Variants in CTNNA3 observed in about 807,000 individuals in gnomAD.
CTNNA3 encodes catenin alpha-3.
A neutral mutation model predicts 95.7 loss-of-function variants in CTNNA3; 76 were observed. The observed-to-expected ratio is 0.79, with a 90% CI of 0.66 to 0.96. The LOEUF (loss-of-function observed/expected upper bound fraction) is 0.96. Among genes scored for constraint, CTNNA3 ranks in the 40% least tolerant of loss-of-function variants. The pLI, the probability that CTNNA3 is intolerant of heterozygous loss-of-function variation, is 0.00. For missense variants in CTNNA3, 1,191 were observed against 1,089.8 expected (o/e 1.09, Z -1.31); for synonymous variants, 431 against 374.4 (o/e 1.15, Z -1.74).
chr10:66,653,902 T>C (rs890291027), intron 9 of CTNNA3, among the ~76,000 whole-genome samples: 2 of 152,190 alleles, frequency 1.3e-5, no homozygotes, highest in Admixed American at 6.5e-5. Context: ...GATATCTACA[T>C]GCAGAAGATG....
intron 13 of CTNNA3, among the ~76,000 whole-genome samples, chr10:66,227,989 T>G (rs1485216190): frequency 6.6e-6 from 1 of 152,152 alleles, no homozygotes; most frequent in East Asian, 1.9e-4. Flanking sequence ...CTTGTGATCC[T>G]TTATATTTCC....
chr10:65,952,961 T>C (rs1256818385), intron 17 of CTNNA3, among the ~76,000 whole-genome samples: 1 of 152,198 alleles, frequency 6.6e-6, no homozygotes, highest in Non-Finnish European at 1.5e-5. Flanking sequence ...GGTTACATAA[T>C]TAATCAGTCT....
chr10:67,525,885 G>C (rs941249344), intron 4 of CTNNA3, among the ~76,000 whole-genome samples: 1 of 152,152 alleles, frequency 6.6e-6, no homozygotes, highest in Non-Finnish European at 1.5e-5. Context: ...ATTTATACGA[G>C]GTGCTGGGTG....
chr10:66,028,588 C>A (rs2079387438), intron 15 of CTNNA3, among the ~76,000 whole-genome samples: 1 of 147,962 alleles, frequency 6.8e-6, no homozygotes, highest in Non-Finnish European at 1.5e-5. Flanking sequence ...CACACCAGGG[C>A]CTGTTGTGGG....
At chr10:66,353,722 T>A (rs1344110139) in intron 12 of CTNNA3, among the ~76,000 whole-genome samples, 1 of 151,580 alleles carries the variant, frequency 6.6e-6, no homozygotes, top group East Asian at 1.9e-4. Context: ...ATTTCAGGAG[T>A]TGATGTAGAA....
intron 7 of CTNNA3, among the ~76,000 whole-genome samples, chr10:66,895,331 C>T (rs10740260): frequency 0.97 from 148,056 of 152,208 alleles, 72,151 homozygotes; most frequent in East Asian, 1. Context: ...GTACCTCATC[C>T]GTCAAACATT....
rs571888361 is a variant in CTNNA3 at position 67,558,600 on chromosome 10, C to T, written c.293-18931G>A. On this transcript the variant is annotated intron_variant, in intron 3 of 17. Transcript: ENST00000433211. ...ATTTCTGCATTTCCATCTGAGGTAC[C>T]GGGTTCATCTCACTAGGGCGTGCCA... Among the ~76,000 whole-genome samples, 157 of 152,316 alleles carry T rather than the reference C, an allele frequency of 1.0e-3. 2 individuals are homozygous for T. Among genetic ancestry groups the T allele is most frequent in the African/African-American group, 3.4e-3 (143 of 41,574 alleles).
chr10:67,637,556 T>C (rs935539872), intron 2 of CTNNA3, among the ~76,000 whole-genome samples: 1 of 151,982 alleles, frequency 6.6e-6, no homozygotes, highest in East Asian at 1.9e-4. Flanking sequence ...CCAAGACACA[T>C]AATTGTCAGA....
intron 13 of CTNNA3, 77 bp from the exon 14 acceptor site, chr10:66,103,326 TA>T: frequency 9.1e-7 from 1 of 1,093,240 alleles, no homozygotes. Context: ...GGCAGTACCT[TA>T]AAAGGGTAAT....
intron 15 of CTNNA3, among the ~76,000 whole-genome samples, chr10:66,024,085 A>AT (rs71474007): frequency 0.034 from 2,957 of 87,564 alleles, 407 homozygotes; most frequent in African/African-American, 0.11. Context: ...TACCATACAC[A>AT]TTTTTTTTTT....
intron 7 of CTNNA3, among the ~76,000 whole-genome samples, chr10:66,905,741 A>G (rs1402254315): frequency 6.6e-6 from 1 of 152,210 alleles, no homozygotes; most frequent in African/African-American, 2.4e-5. Flanking sequence ...TAAGCCAGTC[A>G]TGGAAGGACA....
At chr10:66,297,204 T>C (rs1175583884) in intron 12 of CTNNA3, among the ~76,000 whole-genome samples, 1 of 152,096 alleles carries the variant, frequency 6.6e-6, no homozygotes, top group East Asian at 1.9e-4. Flanking sequence ...ACATAAGAGA[T>C]AAAAATAAAT....
chr10:67,147,721 C>T (rs1448585800), intron 7 of CTNNA3, among the ~76,000 whole-genome samples: 1 of 152,102 alleles, frequency 6.6e-6, no homozygotes, highest in Non-Finnish European at 1.5e-5. Flanking sequence ...CTTCTTTTCT[C>T]ATAATCAGGC....
chr10:66,046,500 G>A (rs1275967149), intron 15 of CTNNA3, among the ~76,000 whole-genome samples: 1 of 151,950 alleles, frequency 6.6e-6, no homozygotes, highest in Non-Finnish European at 1.5e-5. Context: ...AGCACTAAAT[G>A]GCCACATCAA....
intron 5 of CTNNA3, among the ~76,000 whole-genome samples, chr10:67,259,320 TACA>T (rs1459681537): frequency 1.3e-5 from 2 of 152,182 alleles, no homozygotes; most frequent in South Asian, 2.1e-4. Flanking sequence ...GACATATCTT[TACA>T]ACATCTTTTT....
intron 7 of CTNNA3, among the ~76,000 whole-genome samples, chr10:66,779,790 A>G (rs1033836566): frequency 6.6e-6 from 1 of 152,192 alleles, no homozygotes; most frequent in Admixed American, 6.6e-5. Context: ...TTCTTTTATA[A>G]CACTTGGTTT....
intron 3 of CTNNA3, among the ~76,000 whole-genome samples, chr10:67,554,880 C>A (rs893614930): frequency 6.6e-6 from 1 of 151,958 alleles, no homozygotes; most frequent in Non-Finnish European, 1.5e-5. Flanking sequence ...GGGTTTTTAT[C>A]GTTTTAGGTC....
intron 13 of CTNNA3, among the ~76,000 whole-genome samples, chr10:66,109,994 A>G (rs77595140): frequency 1.2e-4 from 18 of 152,256 alleles, no homozygotes; most frequent in African/African-American, 3.9e-4. Context: ...ATATATTAAC[A>G]TTATGAAATG....
chr10:65,962,187 T>C (rs2077859600), intron 17 of CTNNA3, among the ~76,000 whole-genome samples: 1 of 152,148 alleles, frequency 6.6e-6, no homozygotes, highest in Non-Finnish European at 1.5e-5. Flanking sequence ...TGGTCCCATA[T>C]ACTTCTCTTT....
Sources: allele counts gnomAD v4.1 joint callset (sites outside exome capture counted in the v4.1 genomes callset), GRCh38; gene constraint gnomAD v4.1.1; transcripts MANE v1.5; gene names NCBI Gene and HGNC (gene_info 2026-07-23, HGNC 2026-07-21).